The following SMARCC2 variants were observed in gnomAD, a reference collection of about 807,000 sequenced individuals.
SMARCC2 encodes SWI/SNF complex subunit SMARCC2.
SMARCC2 carries 15 observed loss-of-function variants against 151.3 expected under a neutral mutation model. That is an observed-to-expected ratio of 0.10 (90% CI 0.07 to 0.15). The LOEUF (loss-of-function observed/expected upper bound fraction) is 0.15, where lower values mean the gene tolerates loss of function less well. Among genes scored for constraint, SMARCC2 ranks in the 10% least tolerant of loss-of-function variants. The probability of loss-of-function intolerance (pLI) is 1.00; values close to 1 mark genes in which losing one functional copy is unlikely to be tolerated. For missense variants in SMARCC2, 1,031 were observed against 1,599.7 expected (o/e 0.64, Z 6.06); for synonymous variants, 590 against 609.5 (o/e 0.97, Z 0.47).
chr12:56,180,489 T>C (rs1218580883), intron 11 of SMARCC2, among the ~76,000 whole-genome samples: 1 of 149,448 alleles, frequency 6.7e-6, no homozygotes, highest in Non-Finnish European at 1.5e-5. Flanking sequence ...CTGCAACCTC[T>C]ACCTCCCAGG....
At chr12:56,175,496 T>C (rs542812866) in intron 15 of SMARCC2, among the ~76,000 whole-genome samples, 1 of 152,344 alleles carries the variant, frequency 6.6e-6, no homozygotes, top group South Asian at 2.1e-4. Context: ...CTTGGCAATT[T>C]ACTTCGAATT....
At chr12:56,185,902 C>A in intron 3 of SMARCC2, 1 of 509,926 alleles carries the variant, frequency 2.0e-6, no homozygotes, top group Non-Finnish European at 3.5e-6. Context: ...TTCAAAGGGA[C>A]AAAAAAAGGT....
Position 56,173,774 on chromosome 12 carries a change from C to T in SMARCC2, c.1572G>A (p.Gly524=), listed in dbSNP as rs780696280. The T allele has an allele frequency of 1.1e-5, 18 of 1,613,880 alleles. No homozygotes were observed. The East Asian group carries it at 2.5e-4, about 22-fold the overall frequency. Residue 524 remains glycine (G), a synonymous_variant, in exon 17 of 29, where the codon GGG becomes GGA. Coordinates refer to ENST00000550164, the MANE Select transcript of SMARCC2 (RefSeq NM_001330288.2). ...VDAESRPTPM[G]PPPTSHFHVL... is the part of the protein sequence containing the mutation. ...CATGGAAGTGAGAGGTAGGCGGAGGCCCCATTGGGGTTGGTCGACTCTCAG... is the reference window on the plus strand; with the variant it reads ...CATGGAAGTGAGAGGTAGGCGGAGGTCCCATTGGGGTTGGTCGACTCTCAG...
intron 22 of SMARCC2, 34 bp from the exon 23 acceptor site, chr12:56,170,242 T>C: frequency 6.4e-7 from 1 of 1,564,030 alleles, no homozygotes; most frequent in Non-Finnish European, 8.8e-7. Context: ...AAACAGGAAA[T>C]GTTTAATACA....
intron 26 of SMARCC2, 65 bp from the exon 27 acceptor site, chr12:56,165,764 C>G: frequency 6.7e-7 from 1 of 1,497,134 alleles, no homozygotes; most frequent in Non-Finnish European, 9.2e-7. Flanking sequence ...ATGCCTCAAC[C>G]CCTGCTTTGT....
At chr12:56,170,494 T>C (rs747898181) in intron 22 of SMARCC2, among the ~76,000 whole-genome samples, 20 of 152,062 alleles carry the variant, frequency 1.3e-4, no homozygotes, top group Admixed American at 2.6e-4. Context: ...AGCACAATCA[T>C]GGCTCACTGC....
In SMARCC2 at chr12:56,186,258, G is replaced by A. The variant is rs763047403; in HGVS notation, c.232-18C>T. 6.6e-6 allele frequency: 10 copies of A among 1,514,836 alleles called. No individual in the cohort carries two copies. The South Asian group carries it at 7.9e-5, about 12-fold the overall frequency. The allele number at this position is 1,514,836 out of a possible 1,614,324, so 93.8% of individuals were successfully genotyped here. A position where few individuals can be genotyped will look rare whatever the true frequency, so the allele number is the denominator to read the frequency against. ...CATTTGATCTACAAAATCAAGATAC[G>A]GAAAAAGCATGTCAAGGTTCCACTG... On this transcript the variant is annotated intron_variant, in intron 2 of 28. Transcript: ENST00000550164.
intron 26 of SMARCC2, 69 bp downstream of exon 26, chr12:56,167,988 ACAC>A: frequency 6.8e-7 from 1 of 1,471,872 alleles, no homozygotes. Flanking sequence ...ACACACACAC[ACAC>A]ACACACACGC....
rs776017155 is a variant in SMARCC2, at chr12:56,179,066, CAG to C, written c.1082-12_1082-11del. ...TCTTTCTTTGTGTTGACTGCGAAAA[CAG>C]AGAGTCATTTTATCAGACAGATTTT... is the stretch of plus-strand genomic sequence containing the variant. On this transcript the variant is annotated splice_polypyrimidine_tract_variant and intron_variant, in intron 11 of 28. Transcript: ENST00000550164. The C allele has an allele frequency of 9.9e-6, 16 of 1,613,634 alleles. No individual in the cohort carries two copies. Among genetic ancestry groups the C allele is most frequent in the Middle Eastern group, 1.6e-4 (1 of 6,084 alleles).
rs772441378 is a variant in SMARCC2 at position 56,179,034 on chromosome 12, CTCTGAG to C, written c.1098_1103del (p.Asp366_Ser367del). ...TGGTGCCGCCTTTGACTGGGGCCGA[CTCTGAG>C]TCTTTCTTTGTGTTGACTGCGAAAA... On this transcript the variant is annotated inframe_deletion, in exon 12 of 29. Transcript: ENST00000550164. The C allele has an allele frequency of 6.2e-7, 1 of 1,614,208 alleles. No homozygotes were observed. Among genetic ancestry groups the C allele is most frequent in the Non-Finnish European group, 8.5e-7 (1 of 1,180,032 alleles).
intron 11 of SMARCC2, 69 bp downstream of exon 11, chr12:56,180,908 T>C (rs967017512): frequency 1.3e-6 from 2 of 1,517,312 alleles, no homozygotes; most frequent in Admixed American, 4.0e-5. Context: ...TCAGCTCACT[T>C]GGGGTTTGGC....
intron 7 of SMARCC2, chr12:56,183,602 AGATT>A (rs1876678183): frequency 2.6e-6 from 1 of 378,614 alleles, no homozygotes; most frequent in Non-Finnish European, 4.8e-6. Flanking sequence ...TTAGACATTT[AGATT>A]GTTTCTAACA....
intron 1 of SMARCC2, among the ~76,000 whole-genome samples, chr12:56,188,369 C>T (rs1877675569): frequency 6.6e-6 from 1 of 152,200 alleles, no homozygotes; most frequent in African/African-American, 2.4e-5. Flanking sequence ...AGGAAGTTCT[C>T]CTAAGCCACT....
Position 56,181,078 on chromosome 12 carries a change from G to A in SMARCC2, c.980C>T (p.Ser327Leu). Reference protein sequence around the residue: ...KKGPSTPYTKSKRGHREEEQE... With the variant: ...KKGPSTPYTKLKRGHREEEQE... ...CTCCTCTTCTCTGTGGCCACGCTTT[G>A]ACTTAGTGTAAGGTGTTGAGGGACT... Residue 327 changes from serine to leucine, a missense_variant, in exon 11 of 29, where the codon TCA becomes TTA. Around this residue, in one of 12 missense-constraint regions of SMARCC2, gnomAD observed 127 missense variants for 141.7 expected, o/e 0.90. Transcript: ENST00000550164. The A allele has an allele frequency of 6.2e-7, 1 of 1,613,952 alleles. No individual in the cohort carries two copies. The highest frequency in any genetic ancestry group is 1.1e-5 in the South Asian group (1 of 91,060).
intron 7 of SMARCC2, 34 bp from the exon 8 acceptor site, chr12:56,182,113 A>G: frequency 6.8e-7 from 1 of 1,461,108 alleles, no homozygotes; most frequent in Non-Finnish European, 9.5e-7. Context: ...AGTAGAATCA[A>G]TGGGATAGAA....
Position 56,181,509 on chromosome 12 carries a change from T to G in SMARCC2, c.929A>C (p.Glu310Ala). 1 of 1,555,260 alleles carries G rather than the reference T, an allele frequency of 6.4e-7. No individual in the cohort carries two copies. Among genetic ancestry groups the G allele is most frequent in the Non-Finnish European group, 8.7e-7 (1 of 1,155,734 alleles). The change falls in exon 10 of 29, where the codon GAA becomes GCA. Residue 310 changes from glutamate to alanine, a missense_variant. Physicochemically the swap from Glu to Ala is moderately radical, Grantham distance 107. Around this residue, in one of 12 missense-constraint regions of SMARCC2, gnomAD observed 127 missense variants for 141.7 expected, o/e 0.90. Transcript: ENST00000550164. ...KRSPSPSPTPEAKKKNAKKGP... is the reference protein window; with the variant it reads ...KRSPSPSPTPAAKKKNAKKGP... Reference sequence around the variant, plus strand: ...TTTCTTAGCATTTTTCTTCTTTGCTTCTGGGGTTGGTGAAGGAGAGGGGGA... The same window carrying G: ...TTTCTTAGCATTTTTCTTCTTTGCTGCTGGGGTTGGTGAAGGAGAGGGGGA...
intron 2 of SMARCC2, 132 bp downstream of exon 2, chr12:56,187,055 G>A: frequency 1.2e-6 from 1 of 828,346 alleles, no homozygotes. Flanking sequence ...CCTGATCAGG[G>A]ATAGGGATGG....
At position 56,171,406 on chromosome 12, in the gene SMARCC2, C is replaced by G. The variant is rs1170066991; in HGVS notation, c.2212G>C (p.Val738Leu). The G allele has an allele frequency of 6.2e-7, 1 of 1,614,094 alleles. No homozygotes were observed. The highest frequency in any genetic ancestry group is 8.5e-7 in the Non-Finnish European group (1 of 1,180,052). Residue 738 changes from valine (V) to leucine (L), a missense_variant, in exon 22 of 29, where the codon GTA (valine) becomes CTA (leucine). Physicochemically the swap from Val to Leu is conservative, Grantham distance 32. Transcript: ENST00000550164. The surrounding 1 kb of genome is among the most constrained non-coding windows in gnomAD (Gnocchi z 4.2). Reference protein sequence around the residue: ...LEEFSKMKEEVPTALVEAHVR... With the variant: ...LEEFSKMKEELPTALVEAHVR... ...TGGGCCTCCACCAAGGCCGTGGGTA[C>G]CTCTTCCTTCATTTTGGAGAACTCC...
At chr12:56,183,771 C>G (rs1023207322) in intron 7 of SMARCC2, 90 bp downstream of exon 7, 11 of 802,600 alleles carry the variant, frequency 1.4e-5, no homozygotes, top group Admixed American at 2.6e-5. Context: ...AAAAATAACT[C>G]TGAAAGAGTG....
Sources: allele counts gnomAD v4.1 joint callset (sites outside exome capture counted in the v4.1 genomes callset), GRCh38; gene constraint gnomAD v4.1.1; regional missense constraint gnomAD v4.1.1; non-coding constraint Gnocchi (gnomAD v3.1); transcripts MANE v1.5; gene names NCBI Gene and HGNC (gene_info 2026-07-23, HGNC 2026-07-21).